The following TSPAN3 variants were observed in gnomAD, a reference collection of about 807,000 sequenced individuals.
TSPAN3 encodes the protein tetraspanin 3.
TSPAN3 carries 9 observed loss-of-function variants against 31.1 expected under a neutral mutation model. That is an observed-to-expected ratio of 0.29 (90% CI 0.17 to 0.50). TSPAN3 has a LOEUF of 0.50. Among genes scored for constraint, TSPAN3 ranks in the 20% least tolerant of loss-of-function variants. The probability of loss-of-function intolerance (pLI) is 0.98; values close to 1 mark genes in which losing one functional copy is unlikely to be tolerated. For synonymous variants in TSPAN3, 129 were observed against 114.3 expected (o/e 1.13, Z -0.82); for missense variants, 252 against 313.5 (o/e 0.80, Z 1.48).
chr15:77,061,851 A>C (rs2076802656), intron 1 of TSPAN3, among the ~76,000 whole-genome samples: 1 of 152,256 alleles, frequency 6.6e-6, no homozygotes, highest in Non-Finnish European at 1.5e-5. Context: ...ACAAGGCACC[A>C]TCTGGACTTT....
Position 77,051,217 on chromosome 15 carries a change from G to GCTTAT in TSPAN3, c.669+1167_669+1168insATAAG, listed in dbSNP as rs1409367505. Reference sequence around the variant, plus strand: ...CCTGGCTCTTTTAGCTCTTGAAATAGGTTTCAGGCTTAAGAAAGCATAAGC... The same window carrying GCTTAT: ...CCTGGCTCTTTTAGCTCTTGAAATAGCTTATGTTTCAGGCTTAAGAAAGCATAAGC... On this transcript the variant is annotated intron_variant, in intron 6 of 6. Transcript: ENST00000267970. 3.9e-5 allele frequency among the ~76,000 whole-genome samples: 6 copies of GCTTAT among 152,072 alleles called. No individual in the cohort carries two copies. In the East Asian group the frequency reaches 9.7e-4, roughly 25 times the overall value.
intron 1 of TSPAN3, among the ~76,000 whole-genome samples, chr15:77,067,246 T>C (rs1489907573): frequency 1.3e-5 from 2 of 152,208 alleles, no homozygotes; most frequent in East Asian, 1.9e-4. Flanking sequence ...TTAGAAATGA[T>C]TGTTTCTGCT....
chr15:77,049,837 T>A (rs1484007986), intron 6 of TSPAN3, among the ~76,000 whole-genome samples: 1 of 152,214 alleles, frequency 6.6e-6, no homozygotes, highest in Non-Finnish European at 1.5e-5. Context: ...AACTCTGCCA[T>A]CTTACCTCTG....
intron 1 of TSPAN3, chr15:77,070,056 G>A (rs776498139): frequency 2.6e-5 from 4 of 152,106 alleles, no homozygotes; most frequent in Non-Finnish European, 5.9e-5. Flanking sequence ...AAGTCCAGAT[G>A]GGCTGGAGGG....
chr15:77,061,228 A>C (rs987019530), intron 1 of TSPAN3, among the ~76,000 whole-genome samples: 1 of 152,150 alleles, frequency 6.6e-6, no homozygotes, highest in Non-Finnish European at 1.5e-5. Context: ...AGACAAGTAG[A>C]TAAAATGTTA....
At chr15:77,052,310 G>A (rs1199292300) in intron 6 of TSPAN3, 75 bp downstream of exon 6, 27 of 1,270,048 alleles carry the variant, frequency 2.1e-5, no homozygotes, top group Admixed American at 3.5e-5. Flanking sequence ...CACTGTGATG[G>A]GGATTAAAAC....
rs1568535602 is a variant in TSPAN3 at position 77,043,855 on chromosome 15, T to A, written c.*2980A>T. 6.6e-6 allele frequency: 1 copy of A among 151,966 alleles called. No individual in the cohort carries two copies. The highest frequency in any genetic ancestry group is 2.4e-5 in the African/African-American group (1 of 41,402). 9.4% of individuals were successfully genotyped at this position (151,966 alleles called of 1,614,324 possible). A position where few individuals can be genotyped will look rare whatever the true frequency, so the allele number is the denominator to read the frequency against. ...TCTTCTTGGTAAGTACCCACTGAGG[T>A]ATTAGGGGTAAAAGGCCATGACAGG... On this transcript the variant is annotated 3_prime_UTR_variant, in exon 7 of 7. Transcript: ENST00000267970.
chr15:77,062,110 T>G (rs1478668153), intron 1 of TSPAN3, among the ~76,000 whole-genome samples: 1 of 152,234 alleles, frequency 6.6e-6, no homozygotes, highest in Admixed American at 6.5e-5. Flanking sequence ...CTTTTTAACA[T>G]TAAATCCAGA....
chr15:77,067,973 C>T (rs2076843341), intron 1 of TSPAN3: 1 of 152,162 alleles, frequency 6.6e-6, no homozygotes, highest in Non-Finnish European at 1.5e-5. Flanking sequence ...TTGGCTCAGT[C>T]AACCTTAATG....
At chr15:77,067,931 C>T (rs1596172528) in intron 1 of TSPAN3, 1 of 152,184 alleles carries the variant, frequency 6.6e-6, no homozygotes, top group East Asian at 1.9e-4. Context: ...TGGGTTTGAA[C>T]GCAGGCTGTA....
intron 1 of TSPAN3, among the ~76,000 whole-genome samples, chr15:77,063,137 C>T (rs1020859411): frequency 5.3e-5 from 8 of 152,174 alleles, no homozygotes; most frequent in African/African-American, 1.9e-4. Flanking sequence ...CCTCTTCCAT[C>T]CTAAATATTT....
Position 77,045,973 on chromosome 15 carries a change from C to CT in TSPAN3, c.*861_*862insA, listed in dbSNP as rs2076688434. ...CTATAGACAGCACCAACAAAGAAAA[C>CT]ATGATACTGCTGCTCTGGAACTGAA... is the stretch of plus-strand genomic sequence containing the variant. On this transcript the variant is annotated 3_prime_UTR_variant, in exon 7 of 7. Coordinates refer to ENST00000267970, the MANE Select transcript of TSPAN3 (RefSeq NM_005724.6). 6.5e-6 allele frequency: 1 copy of CT among 154,172 alleles called. No homozygotes were observed. The highest frequency in any genetic ancestry group is 6.5e-5 in the Admixed American group (1 of 15,348). 9.6% of individuals were successfully genotyped at this position (154,172 alleles called of 1,614,324 possible).
chr15:77,054,489 T>G lies in TSPAN3; in HGVS notation c.331-210A>C, dbSNP rs2076755009. ...AGTGACAGGTAAAAATTCAGACATATACCACATACATTCAAGCATTCAAAG... is the reference window on the plus strand; with the variant it reads ...AGTGACAGGTAAAAATTCAGACATAGACCACATACATTCAAGCATTCAAAG... On this transcript the variant is annotated intron_variant, in intron 3 of 6. Coordinates refer to ENST00000267970, the MANE Select transcript of TSPAN3 (RefSeq NM_005724.6). 2.4e-5 allele frequency: 9 copies of G among 378,148 alleles called. No homozygotes were observed. The South Asian group carries it at 3.5e-4, about 15-fold the overall frequency. The allele number at this position is 378,148 out of a possible 1,614,324, so 23.4% of individuals were successfully genotyped here. A position where few individuals can be genotyped will look rare whatever the true frequency, so the allele number is the denominator to read the frequency against.
rs376931567 is a variant in TSPAN3, at chr15:77,056,081, G to T, written c.238C>A (p.Arg80Ser). The T allele has an allele frequency of 6.2e-7, 1 of 1,609,148 alleles. No individual in the cohort carries two copies. The highest frequency in any genetic ancestry group is 8.5e-7 in the Non-Finnish European group (1 of 1,178,186). ...CATCTTACCGTGGCAAGTCCACAGCGACTTTCCCGGATTGTGGCACAGCAG... is the reference window on the plus strand; with the variant it reads ...CATCTTACCGTGGCAAGTCCACAGCTACTTTCCCGGATTGTGGCACAGCAG... ...IGCCATIRES[R>S]CGLATFVIIL... is the part of the protein sequence containing the mutation. The change falls in exon 2 of 7, where the codon CGC becomes AGC. Residue 80 changes from arginine (R) to serine (S), a missense_variant. Physicochemically the swap from Arg to Ser is moderately radical, Grantham distance 110. Transcript: ENST00000267970.
At position 77,042,278 on chromosome 15, in the gene TSPAN3, C is replaced by A. The variant is rs1006779995; in HGVS notation, c.*4557G>T. 4 of 152,098 alleles carry A rather than the reference C, an allele frequency of 2.6e-5. No homozygotes were observed. Among genetic ancestry groups the A allele is most frequent in the Non-Finnish European group, 5.9e-5 (4 of 68,022 alleles). The allele number at this position is 152,098 out of a possible 1,614,324, so 9.4% of individuals were successfully genotyped here. On this transcript the variant is annotated 3_prime_UTR_variant, in exon 7 of 7. Coordinates refer to ENST00000267970, the MANE Select transcript of TSPAN3 (RefSeq NM_005724.6). The stretch of plus-strand genomic sequence containing the variant: ...TGTATTGTTCACATTTTTTAAAGCA[C>A]CAATTACTTTTGTTTAAAAAAATAC...
At chr15:77,066,783 T>C (rs952397250) in intron 1 of TSPAN3, among the ~76,000 whole-genome samples, 16 of 152,146 alleles carry the variant, frequency 1.1e-4, no homozygotes, top group African/African-American at 3.9e-4. Context: ...CAAATCTTAA[T>C]ATTCTAGAAT....
chr15:77,051,833 G>A (rs1424356442), intron 6 of TSPAN3, among the ~76,000 whole-genome samples: 1 of 152,148 alleles, frequency 6.6e-6, no homozygotes, highest in Non-Finnish European at 1.5e-5. Flanking sequence ...ACTCAAGCCT[G>A]GGTGACAGAG....
intron 6 of TSPAN3, among the ~76,000 whole-genome samples, chr15:77,049,068 C>T (rs181511139): frequency 6.6e-6 from 1 of 152,182 alleles, no homozygotes; most frequent in African/African-American, 2.4e-5. Flanking sequence ...AAATGGAATA[C>T]TATGCAGACA....
In TSPAN3 at chr15:77,054,251, T is replaced by C. The variant is rs1398635969; in HGVS notation, c.359A>G (p.Gln120Arg). 2 of 1,613,758 alleles carry C rather than the reference T, an allele frequency of 1.2e-6. No individual in the cohort carries two copies. The highest frequency in any genetic ancestry group is 2.2e-5 in the South Asian group (2 of 91,048). Residue 120 changes from glutamine (Q) to arginine (R), a missense_variant, in exon 4 of 7, where the codon CAG (glutamine) becomes CGG (arginine). Transcript: ENST00000267970. ...TCCATTGTAGGTCTTATACACTTTC[T>C]GAATGCTGCGATCAACCTCATTTTC... ...KVENEVDRSI[Q>R]KVYKTYNGTN... is the part of the protein sequence containing the mutation.
Sources: allele counts gnomAD v4.1 joint callset (sites outside exome capture counted in the v4.1 genomes callset), GRCh38; gene constraint gnomAD v4.1.1; transcripts MANE v1.5; gene names NCBI Gene and HGNC (gene_info 2026-07-23, HGNC 2026-07-21).